Variants in PRPS2 observed in about 807,000 individuals in gnomAD.
The protein encoded by PRPS2 is ribose-phosphate pyrophosphokinase 2.
For missense variants in PRPS2, 104 were observed against 271.5 expected, an observed-to-expected ratio of 0.38 and a Z score of 4.34; for synonymous variants, 111 against 115.3, an observed-to-expected ratio of 0.96 and a Z score of 0.24.
chrX:12,820,099 G>A (rs1283416399), intron 5 of PRPS2, among the ~76,000 whole-genome samples: 2 of 112,557 alleles, frequency 1.8e-5, no homozygotes, highest in Non-Finnish European at 3.8e-5. Context: ...GGAGCTCTTG[G>A]AATATGGCCA....
At chrX:12,804,300 C>T (rs1484217568) in intron 2 of PRPS2, among the ~76,000 whole-genome samples, 1 of 109,199 alleles carries the variant, frequency 9.2e-6, no homozygotes, top group Non-Finnish European at 1.9e-5. Context: ...CGCCACCACA[C>T]CTGGCTAATT....
At chrX:12,796,689 G>A (rs752126019) in intron 1 of PRPS2, among the ~76,000 whole-genome samples, 1 of 110,348 alleles carries the variant, frequency 9.1e-6, no homozygotes, top group East Asian at 2.8e-4. Flanking sequence ...AAATTACCAC[G>A]CTATGCAAAA....
At chrX:12,814,840 AG>A (rs1304221135) in intron 4 of PRPS2, among the ~76,000 whole-genome samples, 3 of 112,474 alleles carry the variant, frequency 2.7e-5, no homozygotes, top group Non-Finnish European at 3.8e-5. Flanking sequence ...AGTAGAAAGA[AG>A]AAAATCTTAA....
At chrX:12,818,391 A>AAAAG (rs1287732971) in intron 4 of PRPS2, among the ~76,000 whole-genome samples, 3 of 107,575 alleles carry the variant, frequency 2.8e-5, no homozygotes, top group African/African-American at 6.8e-5. Flanking sequence ...AAAAGAAAAG[A>AAAAG]AAAGAAACAC....
chrX:12,809,186 A>G, intron 2 of PRPS2, 48 bp from the exon 3 acceptor site: 2 of 1,099,282 alleles, frequency 1.8e-6, no homozygotes, highest in Non-Finnish European at 2.5e-6. Flanking sequence ...GGAGGAATCT[A>G]ACAGTATCCA....
At chrX:12,804,974 A>T (rs1490833773) in intron 2 of PRPS2, among the ~76,000 whole-genome samples, 1 of 111,728 alleles carries the variant, frequency 9.0e-6, no homozygotes, top group Non-Finnish European at 1.9e-5. Context: ...GAAAAAAAAA[A>T]TCTGGAAGCT....
chrX:12,820,750 G>A lies in PRPS2; in HGVS notation c.811G>A (p.Val271Ile), dbSNP rs1195677768. ...TAATGCCGCCTTTGAGGCTGTTGTC[G>A]TCACAAACACAATTCCGCAAGAGGA... ...INNAAFEAVV[V>I]TNTIPQEDKM... Residue 271 changes from valine (V) to isoleucine (I), a missense_variant, in exon 6 of 7, where the codon GTC becomes ATC. Coordinates refer to ENST00000380668, the MANE Select transcript of PRPS2 (RefSeq NM_002765.5). 7.4e-6 allele frequency: 9 copies of A among 1,211,180 alleles called. No individual in the cohort carries two copies. Among genetic ancestry groups the A allele is most frequent in the East Asian group, 3.0e-5 (1 of 33,835 alleles).
At chrX:12,801,376 A>G (rs991205349) in intron 2 of PRPS2, among the ~76,000 whole-genome samples, 2 of 111,297 alleles carry the variant, frequency 1.8e-5, no homozygotes, top group African/African-American at 6.5e-5. Context: ...TTTATTTTAA[A>G]CTTGATTTAA....
intron 2 of PRPS2, among the ~76,000 whole-genome samples, chrX:12,806,807 T>C (rs1034020826): frequency 8.9e-6 from 1 of 112,301 alleles, no homozygotes; most frequent in Non-Finnish European, 1.9e-5. Flanking sequence ...TATTCTTTGG[T>C]GCTGGGCACG....
At chrX:12,810,332 C>A in intron 4 of PRPS2, 186 bp downstream of exon 4, 1 of 521,421 alleles carries the variant, frequency 1.9e-6, no homozygotes, top group Non-Finnish European at 3.0e-6. Flanking sequence ...TTTCGTCATT[C>A]AGGAAAGAAG....
rs1672379495 is a variant in PRPS2 at position 12,824,160 on chromosome X, A to G, written c.*1364A>G. 1 of 112,876 alleles carries G rather than the reference A, an allele frequency of 8.9e-6. No individual in the cohort carries two copies. The highest frequency in any genetic ancestry group is 3.2e-5 in the African/African-American group (1 of 30,948). 9.3% of individuals were successfully genotyped at this position (112,876 alleles called of 1,213,427 possible). ...AGTGCTTGTATTGGTTTAAAATGTA[A>G]GATTTTAAGATCCTCTAACACTGTA... is the stretch of plus-strand genomic sequence containing the variant. On this transcript the variant is annotated 3_prime_UTR_variant, in exon 7 of 7. Coordinates refer to ENST00000380668, the MANE Select transcript of PRPS2 (RefSeq NM_002765.5).
chrX:12,802,538 C>T (rs2284102), intron 2 of PRPS2, among the ~76,000 whole-genome samples: 11,613 of 110,663 alleles, frequency 0.1, 488 homozygotes, highest in Non-Finnish European at 0.13. Flanking sequence ...AGGGTTTCAC[C>T]GTGTGGGCCA....
At position 12,810,255 on chromosome X, in the gene PRPS2, G is replaced by A. The variant is rs1602413702; in HGVS notation, c.530+109G>A. 2.2e-5 allele frequency: 23 copies of A among 1,034,615 alleles called. No homozygotes were observed. The East Asian group carries it at 6.2e-4, about 28-fold the overall frequency. 85.3% of individuals were successfully genotyped at this position (1,034,615 alleles called of 1,213,427 possible). A position where few individuals can be genotyped will look rare whatever the true frequency, so the allele number is the denominator to read the frequency against. On this transcript the variant is annotated intron_variant, in intron 4 of 6. Transcript: ENST00000380668. ...TGTAAATTACTTAAAGCTTTATTTT[G>A]CTAATGAGCAAGTAAGTAGACCGCA...
At chrX:12,793,367 C>G (rs985739408) in intron 1 of PRPS2, among the ~76,000 whole-genome samples, 10 of 112,599 alleles carry the variant, frequency 8.9e-5, no homozygotes, top group African/African-American at 3.2e-4. Context: ...GCAAAACTCA[C>G]TCAGACACTG....
chrX:12,807,653 C>T (rs766019032), intron 2 of PRPS2, among the ~76,000 whole-genome samples: 17 of 110,834 alleles, frequency 1.5e-4, no homozygotes, highest in African/African-American at 2.3e-4. Context: ...TGCGAAAATT[C>T]GATTTTATCC....
At chrX:12,798,993 C>A (rs982512451) in intron 1 of PRPS2, among the ~76,000 whole-genome samples, 1 of 111,472 alleles carries the variant, frequency 9.0e-6, no homozygotes, top group East Asian at 2.8e-4. Context: ...TGGAAGCTTG[C>A]ACCCTGTTTC....
rs981341994 is a variant in PRPS2, at chrX:12,799,546, G to A, written c.306+156G>A. On this transcript the variant is annotated intron_variant, in intron 2 of 6. Coordinates refer to ENST00000380668, the MANE Select transcript of PRPS2 (RefSeq NM_002765.5). ...TCTTATTTTGTTTGTTGAAGATTTG[G>A]CTTTGAACCTACCCTGACATTAATA... 13 of 588,951 alleles carry A rather than the reference G, an allele frequency of 2.2e-5. No homozygotes were observed. In the African/African-American group the frequency reaches 2.6e-4, roughly 12 times the overall value. The allele number at this position is 588,951 out of a possible 1,213,427, so 48.5% of individuals were successfully genotyped here.
chrX:12,821,473 T>G (rs756796960), intron 6 of PRPS2, among the ~76,000 whole-genome samples: 3 of 111,130 alleles, frequency 2.7e-5, no homozygotes, highest in Non-Finnish European at 5.7e-5. Context: ...TGGGGCGTTA[T>G]CTATCATTTA....
intron 3 of PRPS2, 130 bp from the exon 4 acceptor site, chrX:12,809,892 G>C: frequency 1.1e-6 from 1 of 892,203 alleles, no homozygotes; most frequent in Non-Finnish European, 1.5e-6. Context: ...ACAAAAGGGA[G>C]TCTGTTATAA....
Sources: allele counts gnomAD v4.1 joint callset (sites outside exome capture counted in the v4.1 genomes callset), GRCh38; gene constraint gnomAD v4.1.1; transcripts MANE v1.5; gene names NCBI Gene and HGNC (gene_info 2026-07-23, HGNC 2026-07-21).